Variants in TDRD12 observed in about 807,000 individuals in gnomAD.
TDRD12 encodes putative ATP-dependent RNA helicase TDRD12.
A neutral mutation model predicts 133.5 loss-of-function variants in TDRD12; 158 were observed. The observed-to-expected ratio is 1.18, with a 90% CI of 1.04 to 1.35. TDRD12 has a LOEUF of 1.35. Among genes scored for constraint, TDRD12 ranks in the 40% most tolerant of loss-of-function variants. The pLI, the probability that TDRD12 is intolerant of heterozygous loss-of-function variation, is 0.00. For missense variants in TDRD12, 1,443 were observed against 1,321.3 expected (o/e 1.09, Z -1.43); for synonymous variants, 460 against 477.9 (o/e 0.96, Z 0.49).
chr19:32,759,253 C>A lies in TDRD12; in HGVS notation c.865+2123C>A, dbSNP rs573925818. Among the ~76,000 whole-genome samples, 5 of 151,960 alleles carry A rather than the reference C, an allele frequency of 3.3e-5. No homozygotes were observed. The East Asian group carries it at 9.6e-4, about 29-fold the overall frequency. On this transcript the variant is annotated intron_variant, in intron 8 of 27. Transcript: ENST00000444215. ...CAACACAGTGTAGAGAGAACAGGCT[C>A]GGGGCTAGAAGCCAGGAGACATGTG...
At chr19:32,756,555 T>A (rs556195764) in intron 7 of TDRD12, among the ~76,000 whole-genome samples, 6 of 152,092 alleles carry the variant, frequency 3.9e-5, no homozygotes, top group African/African-American at 9.6e-5. Context: ...GCCTGGCTAA[T>A]TTTTTTGTAT....
rs1361131593 is a variant in TDRD12, at chr19:32,791,343, G to A, written c.1287+275G>A. The stretch of plus-strand genomic sequence containing the variant: ...CCTTCTGCAGTCAGGTTTCCAGGAT[G>A]CCTGTGGACAGGGCTGTGGGAGGAG... On this transcript the variant is annotated intron_variant, in intron 13 of 27. Coordinates refer to ENST00000444215, the Ensembl canonical transcript of TDRD12. Among the ~76,000 whole-genome samples the A allele has an allele frequency of 2.0e-5, 3 of 152,276 alleles. No individual in the cohort carries two copies. The East Asian group carries it at 5.8e-4, about 29-fold the overall frequency.
Position 32,772,944 on chromosome 19 carries a change from T to G in TDRD12, c.963+94T>G, listed in dbSNP as rs926757266. ...AAATCTATCTGAAACCAAAAATATGTTTTCTATTAAAAAATCATTGGCCAT... is the reference window on the plus strand; with the variant it reads ...AAATCTATCTGAAACCAAAAATATGGTTTCTATTAAAAAATCATTGGCCAT... On this transcript the variant is annotated intron_variant, in intron 9 of 27. Transcript: ENST00000444215. 4.7e-6 allele frequency: 3 copies of G among 634,552 alleles called. No homozygotes were observed. In the African/African-American group the frequency reaches 5.8e-5, roughly 12 times the overall value. 39.3% of individuals were successfully genotyped at this position (634,552 alleles called of 1,614,324 possible).
In TDRD12 at chr19:32,745,145, C is replaced by T. The variant is rs147899072; in HGVS notation, c.440+2245C>T. On this transcript the variant is annotated intron_variant, in intron 4 of 27. Transcript: ENST00000444215. ...CAGCAGCCCCTGCCCCCTGTACTGCCCTCTTTCAGAGCGGCCCACTGCCCA... is the reference window on the plus strand; with the variant it reads ...CAGCAGCCCCTGCCCCCTGTACTGCTCTCTTTCAGAGCGGCCCACTGCCCA... Among the ~76,000 whole-genome samples the T allele has an allele frequency of 7.5e-4, 115 of 152,356 alleles. 1 individual carries two copies. Among genetic ancestry groups the T allele is most frequent in the East Asian group, 7.1e-3 (37 of 5,182 alleles).
chr19:32,748,461 T>C lies in TDRD12; in HGVS notation c.441-15T>C. On this transcript the variant is annotated splice_polypyrimidine_tract_variant and intron_variant, in intron 4 of 27. Coordinates refer to ENST00000444215, the Ensembl canonical transcript of TDRD12. ...GATTTTTATGTAATGGAGTTGCATC[T>C]GTTCACTGTTCCAGACCTGCCAAGA... 1 of 1,549,866 alleles carries C rather than the reference T, an allele frequency of 6.5e-7. No homozygotes were observed. The highest frequency in any genetic ancestry group is 8.7e-7 in the Non-Finnish European group (1 of 1,146,282).
intron 25 of TDRD12, among the ~76,000 whole-genome samples, chr19:32,814,573 T>C (rs1418665406): frequency 6.6e-6 from 1 of 152,176 alleles, no homozygotes; most frequent in African/African-American, 2.4e-5. Context: ...TCTTAGTTGA[T>C]GTTGTGATAG....
chr19:32,742,148 G>A (rs1366746810), intron 3 of TDRD12, among the ~76,000 whole-genome samples: 2 of 144,162 alleles, frequency 1.4e-5, no homozygotes, highest in East Asian at 4.1e-4. Context: ...CACCTAAGGA[G>A]CCTTATTAGA....
At chr19:32,817,310 A>G (rs1358978753) in intron 26 of TDRD12, among the ~76,000 whole-genome samples, 1 of 150,278 alleles carries the variant, frequency 6.7e-6, no homozygotes, top group Non-Finnish European at 1.5e-5. Context: ...CCAGCCCCCT[A>G]CTCTCCTTTG....
intron 1 of TDRD12, among the ~76,000 whole-genome samples, chr19:32,729,547 C>T (rs867185362): frequency 1.3e-5 from 2 of 151,312 alleles, no homozygotes; most frequent in South Asian, 2.1e-4. Context: ...ATGAAATTTA[C>T]GTTTTCCACA....
At chr19:32,774,843 G>T (rs1035808547) in intron 10 of TDRD12, among the ~76,000 whole-genome samples, 8 of 151,986 alleles carry the variant, frequency 5.3e-5, no homozygotes. Flanking sequence ...AAGTTAGCTG[G>T]GCGTGGTGGC....
At chr19:32,754,875 C>A (rs1471526565) in intron 6 of TDRD12, among the ~76,000 whole-genome samples, 1 of 151,930 alleles carries the variant, frequency 6.6e-6, no homozygotes, top group Admixed American at 6.6e-5. Context: ...CGGGGTTTCT[C>A]CATGTTGGTC....
intron 8 of TDRD12, among the ~76,000 whole-genome samples, chr19:32,767,376 G>A (rs557607854): frequency 1.3e-3 from 190 of 152,000 alleles, no homozygotes; most frequent in African/African-American, 4.2e-3. Flanking sequence ...TGATCCACCC[G>A]ACTCGGCCTC....
chr19:32,819,307 C>T (rs1386577388), intron 27 of TDRD12, among the ~76,000 whole-genome samples: 5 of 117,970 alleles, frequency 4.2e-5, no homozygotes, highest in East Asian at 6.2e-4. Flanking sequence ...ACAGCAAGAC[C>T]TTGTCTCAAA....
exon 6 of TDRD12, chr19:32,749,856 T>C (rs1383805193): frequency 6.5e-7 from 1 of 1,540,484 alleles, no homozygotes; most frequent in South Asian, 1.2e-5. Flanking sequence ...TATGTAACTA[T>C]AAAAGATGAA....
chr19:32,793,463 G>A (rs1327669949), intron 13 of TDRD12, among the ~76,000 whole-genome samples: 1 of 152,180 alleles, frequency 6.6e-6, no homozygotes, highest in Non-Finnish European at 1.5e-5. Flanking sequence ...AATACCAAGT[G>A]CAGAGCATGG....
At chr19:32,818,968 G>A (rs1397337777) in intron 27 of TDRD12, among the ~76,000 whole-genome samples, 3 of 152,014 alleles carry the variant, frequency 2.0e-5, no homozygotes, top group Admixed American at 6.5e-5. Flanking sequence ...GGCCTGCTGG[G>A]TTAGTGGTTG....
At chr19:32,814,605 G>A (rs914299152) in intron 25 of TDRD12, among the ~76,000 whole-genome samples, 2 of 152,112 alleles carry the variant, frequency 1.3e-5, no homozygotes, top group African/African-American at 4.8e-5. Flanking sequence ...TTTCTTGTTG[G>A]GGGGAGAAAA....
chr19:32,826,022 G>GTATA (rs3842423), downstream of TDRD12: 229 of 1,048,146 alleles, frequency 2.2e-4, no homozygotes, highest in South Asian at 5.6e-4. Context: ...GTACAAAAAA[G>GTATA]TATATATATA....
intron 15 of TDRD12, 142 bp from the exon 16 acceptor site, chr19:32,798,166 G>T: frequency 1.4e-6 from 1 of 705,598 alleles, no homozygotes; most frequent in Non-Finnish European, 2.3e-6. Flanking sequence ...GTTAGATGCT[G>T]GGCATATGGG....
Sources: gnomAD v4.1 joint callset for allele counts (sites outside exome capture counted in the v4.1 genomes callset) on GRCh38, gnomAD v4.1.1 for gene constraint, MANE v1.5 for transcripts, NCBI Gene and HGNC (gene_info 2026-07-23, HGNC 2026-07-21) for gene names.